The following PELO variants were observed in gnomAD, a reference collection of about 807,000 sequenced individuals.
The protein encoded by PELO is protein pelota homolog.
A neutral mutation model predicts 25.9 loss-of-function variants in PELO; 19 were observed. The ratio of observed to expected loss-of-function variants is 0.73; its 90% CI spans 0.51 to 1.08. The LOEUF (loss-of-function observed/expected upper bound fraction) is 1.08. Among genes scored for constraint, PELO ranks in the 50% least tolerant of loss-of-function variants. The pLI, the probability that PELO is intolerant of heterozygous loss-of-function variation, is 0.00. For missense variants in PELO, 498 were observed against 491.4 expected (o/e 1.01, Z -0.13); for synonymous variants, 196 against 192.2 (o/e 1.02, Z -0.16).
chr5:52,791,750 T>TCA (rs3078994), intron 1 of PELO, among the ~76,000 whole-genome samples: 117,771 of 151,850 alleles, frequency 0.78, 45,819 homozygotes, highest in Non-Finnish European at 0.79. Flanking sequence ...TCCCTCAGCT[T>TCA]GTTGATTAGC....
chr5:52,788,039 G>C lies in PELO; in HGVS notation c.-886G>C, dbSNP rs1428991335. On this transcript the variant is annotated 5_prime_UTR_variant, in exon 1 of 3. Coordinates refer to ENST00000274311, the MANE Select transcript of PELO (RefSeq NM_015946.5). The stretch of plus-strand genomic sequence containing the variant: ...TGGACTTTAGCCTAAACACGGACCC[G>C]CGAAGCTGGCTTTATTTGTCCATGT... The C allele has an allele frequency of 3.0e-6, 1 of 329,004 alleles. No individual in the cohort carries two copies. The highest frequency in any genetic ancestry group is 5.0e-5 in the East Asian group (1 of 19,998). The allele number at this position is 329,004 out of a possible 1,614,324, so 20.4% of individuals were successfully genotyped here.
intron 1 of PELO, among the ~76,000 whole-genome samples, chr5:52,792,861 AT>A (rs1457350151): frequency 6.6e-6 from 1 of 152,192 alleles, no homozygotes; most frequent in Non-Finnish European, 1.5e-5. Flanking sequence ...TAGATTGCCT[AT>A]TCAGAGCAGT....
intron 1 of PELO, among the ~76,000 whole-genome samples, chr5:52,795,148 C>T (rs528734204): frequency 6.6e-6 from 1 of 151,730 alleles, no homozygotes; most frequent in African/African-American, 2.4e-5. Context: ...AATTAATAAC[C>T]ATTAATTTTT....
At chr5:52,801,244 G>A in intron 2 of PELO, 124 bp downstream of exon 2, 2 of 1,177,338 alleles carry the variant, frequency 1.7e-6, no homozygotes, top group Non-Finnish European at 2.4e-6. Flanking sequence ...ATTTTCATGA[G>A]ATAATGAAAT....
rs1748164695 is a variant in PELO at position 52,788,310 on chromosome 5, C to G, written c.-615C>G. 2.0e-6 allele frequency: 3 copies of G among 1,464,142 alleles called. No homozygotes were observed. The highest frequency in any genetic ancestry group is 2.9e-5 in the African/African-American group (2 of 67,890). The allele number at this position is 1,464,142 out of a possible 1,614,324, so 90.7% of individuals were successfully genotyped here. On this transcript the variant is annotated 5_prime_UTR_variant, in exon 1 of 3. Transcript: ENST00000274311. ...GCGCAGCTCCCGCGCCCGGTCCTGCCCTGCGAACCAGCGCGGCCCCCTGGC... is the reference window on the plus strand; with the variant it reads ...GCGCAGCTCCCGCGCCCGGTCCTGCGCTGCGAACCAGCGCGGCCCCCTGGC...
intron 1 of PELO, among the ~76,000 whole-genome samples, chr5:52,791,295 A>T (rs1445710116): frequency 6.6e-6 from 1 of 152,172 alleles, no homozygotes; most frequent in African/African-American, 2.4e-5. Flanking sequence ...ACAGTAGGGA[A>T]AAAAGAACCT....
chr5:52,801,626 A>G lies in PELO; in HGVS notation c.944A>G (p.Asp315Gly). The G allele has an allele frequency of 6.2e-7, 1 of 1,614,166 alleles. No homozygotes were observed. Residue 315 changes from aspartate to glycine, a missense_variant, in exon 3 of 3, where the codon GAT (aspartate) becomes GGT (glycine). Physicochemically the swap from Asp to Gly is moderately conservative, Grantham distance 94. Coordinates refer to ENST00000274311, the MANE Select transcript of PELO (RefSeq NM_015946.5). The part of the protein sequence containing the change: ...AMAIDTLLIS[D>G]ELFRHQDVAT... ...GCAATTGACACATTGCTCATCAGCG[A>G]TGAGCTCTTCAGGCATCAGGATGTA...
intron 1 of PELO, among the ~76,000 whole-genome samples, chr5:52,795,692 G>C (rs1389764846): frequency 6.6e-6 from 1 of 151,856 alleles, no homozygotes; most frequent in Non-Finnish European, 1.5e-5. Flanking sequence ...ATGAGCTCTT[G>C]TCCCTTGTTT....
Position 52,788,321 on chromosome 5 carries a change from G to C in PELO, c.-604G>C. 6.7e-7 allele frequency: 1 copy of C among 1,487,048 alleles called. No homozygotes were observed. The highest frequency in any genetic ancestry group is 2.8e-5 in the East Asian group (1 of 35,672). 92.1% of individuals were successfully genotyped at this position (1,487,048 alleles called of 1,614,324 possible). ...GCGCCCGGTCCTGCCCTGCGAACCA[G>C]CGCGGCCCCCTGGCGCTGAGGCTGC... On this transcript the variant is annotated 5_prime_UTR_variant, in exon 1 of 3. Transcript: ENST00000274311.
chr5:52,800,831 T>G lies in PELO; in HGVS notation c.437T>G (p.Leu146Arg), dbSNP rs1229916831. 1.2e-6 allele frequency: 2 copies of G among 1,609,514 alleles called. No homozygotes were observed. The highest frequency in any genetic ancestry group is 2.7e-5 in the African/African-American group (2 of 74,868). ...GCGGCTGTGGTCATGCAGGAAGGCC[T>G]CGCCCATATCTGCTTAGTCACTCCC... ...DVAAVVMQEG[L>R]AHICLVTPSM... Residue 146 changes from leucine to arginine, a missense_variant, in exon 2 of 3, where the codon CTC becomes CGC. Leu to Arg is a moderately radical substitution (Grantham distance 102). Coordinates refer to ENST00000274311, the MANE Select transcript of PELO (RefSeq NM_015946.5).
Position 52,802,060 on chromosome 5 carries a change from TTG to T in PELO, c.*224_*225del, listed in dbSNP as rs1348802205. The T allele has an allele frequency of 2.2e-6, 1 of 457,286 alleles. No individual in the cohort carries two copies. The highest frequency in any genetic ancestry group is 3.7e-5 in the East Asian group (1 of 26,844). The allele number at this position is 457,286 out of a possible 1,614,324, so 28.3% of individuals were successfully genotyped here. A position where few individuals can be genotyped will look rare whatever the true frequency, so the allele number is the denominator to read the frequency against. On this transcript the variant is annotated 3_prime_UTR_variant, in exon 3 of 3. Coordinates refer to ENST00000274311, the MANE Select transcript of PELO (RefSeq NM_015946.5). The stretch of plus-strand genomic sequence containing the variant: ...TCCACGTACTACCATCTTGATTAAA[TTG>T]TGTAATTTTTTATAGGAATTATGAG...
Position 52,796,245 on chromosome 5 carries a change from GT to G in PELO, c.-510-3638del, listed in dbSNP as rs1748339428. On this transcript the variant is annotated intron_variant, in intron 1 of 2. Coordinates refer to ENST00000274311, the MANE Select transcript of PELO (RefSeq NM_015946.5). ...TCCAGGATGCTTGACTTCTAGCCCA[GT>G]TCTCTTCTTGAGACACTGGAAGTGT... Among the ~76,000 whole-genome samples the G allele has an allele frequency of 2.0e-5, 3 of 151,828 alleles. No homozygotes were observed. In the South Asian group the frequency reaches 6.2e-4, roughly 31 times the overall value.
chr5:52,803,704 G>C lies in PELO; in HGVS notation c.*1864G>C, dbSNP rs1748533482. 1 of 152,128 alleles carries C rather than the reference G, an allele frequency of 6.6e-6. No homozygotes were observed. Among genetic ancestry groups the C allele is most frequent in the Non-Finnish European group, 1.5e-5 (1 of 68,032 alleles). The allele number at this position is 152,128 out of a possible 1,614,324, so 9.4% of individuals were successfully genotyped here. On this transcript the variant is annotated 3_prime_UTR_variant, in exon 3 of 3. Transcript: ENST00000274311. Reference sequence around the variant, plus strand: ...GCTAATAGCCACTGATTCAGGCCTTGCTATTCAAAAGTATGGTCCGTAAAC... The same window carrying C: ...GCTAATAGCCACTGATTCAGGCCTTCCTATTCAAAAGTATGGTCCGTAAAC...
At chr5:52,793,847 A>G (rs1436109792) in intron 1 of PELO, among the ~76,000 whole-genome samples, 2 of 152,034 alleles carry the variant, frequency 1.3e-5, no homozygotes, top group Non-Finnish European at 2.9e-5. Context: ...AGGTGACAAT[A>G]AAGTAATCAT....
intron 1 of PELO, among the ~76,000 whole-genome samples, chr5:52,794,119 A>C (rs1411953056): frequency 6.6e-6 from 1 of 152,134 alleles, no homozygotes; most frequent in East Asian, 1.9e-4. Context: ...CCTATTAACA[A>C]GATAAGTAAG....
At position 52,801,776 on chromosome 5, in the gene PELO, T is replaced by G. The variant is rs763458425; in HGVS notation, c.1094T>G (p.Ile365Ser). 12 of 1,614,134 alleles carry G rather than the reference T, an allele frequency of 7.4e-6. No individual in the cohort carries two copies. The highest frequency in any genetic ancestry group is 3.3e-5 in the South Asian group (3 of 91,072). ...QLSQLTGVAA[I>S]LRFPVPELSD... ...AGCCAGTTGACTGGGGTAGCTGCCATTCTCCGCTTCCCTGTTCCCGAACTT... is the reference window on the plus strand; with the variant it reads ...AGCCAGTTGACTGGGGTAGCTGCCAGTCTCCGCTTCCCTGTTCCCGAACTT... The change falls in exon 3 of 3, where the codon ATT (isoleucine) becomes AGT (serine). Residue 365 changes from isoleucine to serine, a missense_variant. Ile to Ser is a moderately radical substitution (Grantham distance 142). Transcript: ENST00000274311.
intron 1 of PELO, among the ~76,000 whole-genome samples, chr5:52,799,316 T>C (rs1472005531): frequency 6.6e-6 from 1 of 152,200 alleles, no homozygotes; most frequent in East Asian, 1.9e-4. Context: ...TCCTAGTTAA[T>C]AGTTTTTCCC....
At position 52,800,991 on chromosome 5, in the gene PELO, T is replaced by C. The variant is rs770530262; in HGVS notation, c.597T>C (p.Phe199=). ...VVQAIQRHIH[F]DVVKCILVAS... ...AGGCTATCCAGCGCCACATACACTT[T>C]GATGTTGTAAAGTGCATCCTGGTGG... The change falls in exon 2 of 3, where the codon TTT becomes TTC. Residue 199 remains phenylalanine (F), a synonymous_variant. Coordinates refer to ENST00000274311, the MANE Select transcript of PELO (RefSeq NM_015946.5). 3 of 1,614,186 alleles carry C rather than the reference T, an allele frequency of 1.9e-6. No individual in the cohort carries two copies. Among genetic ancestry groups the C allele is most frequent in the Non-Finnish European group, 8.5e-7 (1 of 1,180,038 alleles).
rs1488408385 is a variant in PELO at position 52,800,162 on chromosome 5, T to C, written c.-233T>C. On this transcript the variant is annotated 5_prime_UTR_variant, in exon 2 of 3. Transcript: ENST00000274311. ...GTAGGGGTAGATTTTCGCTGCAGTG[T>C]TCCCCGAGCCTGTTAGACGCAGCGC... 3.6e-5 allele frequency: 20 copies of C among 562,684 alleles called. No individual in the cohort carries two copies. Among genetic ancestry groups the C allele is most frequent in the Non-Finnish European group, 5.7e-5 (18 of 313,572 alleles). 34.9% of individuals were successfully genotyped at this position (562,684 alleles called of 1,614,324 possible).
Sources: allele counts gnomAD v4.1 joint callset (sites outside exome capture counted in the v4.1 genomes callset), GRCh38; gene constraint gnomAD v4.1.1; transcripts MANE v1.5; gene names NCBI Gene and HGNC (gene_info 2026-07-23, HGNC 2026-07-21).